Variants in BIRC6 observed in about 807,000 individuals in gnomAD.
BIRC6 encodes the protein dual E2 ubiquitin-conjugating enzyme/E3 ubiquitin-protein ligase BIRC6.
Under a neutral mutation model 503.3 loss-of-function variants are expected in BIRC6, and 98 were observed. The observed-to-expected ratio is 0.19, with a 90% CI of 0.17 to 0.23. BIRC6 has a LOEUF of 0.23. Among genes scored for constraint, BIRC6 ranks in the 10% least tolerant of loss-of-function variants. The probability of loss-of-function intolerance (pLI) is 1.00; values close to 1 mark genes in which losing one functional copy is unlikely to be tolerated. For synonymous variants in BIRC6, 2,240 were observed against 2,078.7 expected (o/e 1.08, Z -2.11); for missense variants, 5,360 against 5,806.0 (o/e 0.92, Z 2.50).
rs1408929056 is a variant in BIRC6 at position 32,612,843 on chromosome 2, C to A, written c.14394+1261C>A. ...TTTGAAAAAGAGAGAAAAACACTTGCAGAAAATTTCCCTAAGCTAGTTCTA... is the reference window on the plus strand; with the variant it reads ...TTTGAAAAAGAGAGAAAAACACTTGAAGAAAATTTCCCTAAGCTAGTTCTA... On this transcript the variant is annotated intron_variant, in intron 73 of 73. Coordinates refer to ENST00000421745, the MANE Select transcript of BIRC6 (RefSeq NM_016252.4). Among the ~76,000 whole-genome samples, 3 of 152,166 alleles carry A rather than the reference C, an allele frequency of 2.0e-5. No individual in the cohort carries two copies. The East Asian group carries it at 5.8e-4, about 29-fold the overall frequency.
intron 65 of BIRC6, 129 bp from the exon 66 acceptor site, chr2:32,575,027 C>A (rs1304153573): frequency 1.1e-5 from 10 of 935,008 alleles, no homozygotes; most frequent in African/African-American, 3.2e-5. Flanking sequence ...AGATTACAGG[C>A]CTGAACCAGC....
At chr2:32,358,032 T>C (rs1331721885) in intron 1 of BIRC6, among the ~76,000 whole-genome samples, 1 of 9,546 alleles carries the variant, frequency 1.0e-4, no homozygotes, top group Admixed American at 1.3e-3. Flanking sequence ...AGCGTGGGGG[T>C]GGGGGTGGGG....
At chr2:32,566,426 C>A in intron 65 of BIRC6, 1 of 152,312 alleles carries the variant, frequency 6.6e-6, no homozygotes, top group South Asian at 2.1e-4. Context: ...GATTATGGCT[C>A]ACTGCAGCCT....
intron 70 of BIRC6, among the ~76,000 whole-genome samples, chr2:32,601,913 T>G (rs2062086851): frequency 6.6e-6 from 1 of 152,216 alleles, no homozygotes; most frequent in Non-Finnish European, 1.5e-5. Flanking sequence ...AGGAGTATAT[T>G]GCAACTAGTT....
Position 32,393,841 on chromosome 2 carries a change from A to G in BIRC6, c.952-1670A>G, listed in dbSNP as rs184575604. Reference sequence around the variant, plus strand: ...TGGCCTAATTTAAGAATTCAAGTACATTTTGAAGTACGTTAAAGTAACTGT... The same window carrying G: ...TGGCCTAATTTAAGAATTCAAGTACGTTTTGAAGTACGTTAAAGTAACTGT... On this transcript the variant is annotated intron_variant, in intron 5 of 73. Transcript: ENST00000421745. 2.0e-3 allele frequency among the ~76,000 whole-genome samples: 297 copies of G among 152,206 alleles called. 3 individuals carry two copies. Among genetic ancestry groups the G allele is most frequent in the Middle Eastern group, 0.017 (5 of 294 alleles).
At chr2:32,375,364 A>AT (rs1201746121) in intron 1 of BIRC6, among the ~76,000 whole-genome samples, 1 of 152,122 alleles carries the variant, frequency 6.6e-6, no homozygotes. Flanking sequence ...TCTTTTACCA[A>AT]TAAGTATGTT....
intron 73 of BIRC6, among the ~76,000 whole-genome samples, chr2:32,617,055 G>A (rs1045294640): frequency 3.9e-5 from 6 of 152,080 alleles, no homozygotes; most frequent in African/African-American, 7.2e-5. Context: ...TGATTGTGCC[G>A]CTGCTCTCCA....
rs145875447 is a variant in BIRC6 at position 32,553,431 on chromosome 2, A to C, written c.13144+3950A>C. On this transcript the variant is annotated intron_variant, in intron 65 of 73. Coordinates refer to ENST00000421745, the MANE Select transcript of BIRC6 (RefSeq NM_016252.4). ...GAGACAGAGTCTCATTCTGTCGCCC[A>C]GGCTGGAGTGCAGTGATATGATCTT... 6.5e-3 allele frequency among the ~76,000 whole-genome samples: 993 copies of C among 151,788 alleles called. 13 individuals carry two copies. Among genetic ancestry groups the C allele is most frequent in the African/African-American group, 0.021 (878 of 41,390 alleles).
At position 32,453,895 on chromosome 2, in the gene BIRC6, C is replaced by T. The variant is rs1282658159; in HGVS notation, c.4706C>T (p.Thr1569Ile). The T allele has an allele frequency of 6.2e-7, 1 of 1,613,470 alleles. No individual in the cohort carries two copies. The highest frequency in any genetic ancestry group is 8.5e-7 in the Non-Finnish European group (1 of 1,179,466). ...GLLEVEPLHF[T>I]CVSTSDGTRI... is the part of the protein sequence containing the mutation. Reference sequence around the variant, plus strand: ...TTGGAAGTTGAACCTCTGCACTTTACTTGTGTGTCAACTAGTGATGGAACC... The same window carrying T: ...TTGGAAGTTGAACCTCTGCACTTTATTTGTGTGTCAACTAGTGATGGAACC... The change falls in exon 23 of 74, where the codon ACT (threonine) becomes ATT (isoleucine). Residue 1569 changes from threonine (T) to isoleucine (I), a missense_variant. Transcript: ENST00000421745.
At chr2:32,574,176 T>C (rs1175752121) in intron 65 of BIRC6, among the ~76,000 whole-genome samples, 1 of 151,442 alleles carries the variant, frequency 6.6e-6, no homozygotes, top group East Asian at 1.9e-4. Flanking sequence ...TTTTTTTTTT[T>C]TTTGAGGCGG....
chr2:32,434,729 G>C (rs1381091135), intron 13 of BIRC6, among the ~76,000 whole-genome samples: 1 of 151,836 alleles, frequency 6.6e-6, no homozygotes, highest in African/African-American at 2.4e-5. Context: ...GCACACCTGT[G>C]GTGCTACTCA....
rs576842385 is a variant in BIRC6, at chr2:32,421,088, GTTTC to G, written c.2872+4949_2872+4952del. 1.1e-3 allele frequency among the ~76,000 whole-genome samples: 154 copies of G among 143,528 alleles called. 1 individual carries two copies. Among genetic ancestry groups the G allele is most frequent in the East Asian group, 2.6e-3 (13 of 4,986 alleles). The allele number at this position is 143,528 out of a possible 152,430, so 94.2% of individuals were successfully genotyped here. Reference sequence around the variant, plus strand: ...TTTGGGTTTATTTTGCTCTTCTCTAGTTTCTTTCTTTCTTTCTTTCTTTCTTTTT... The same window carrying G: ...TTTGGGTTTATTTTGCTCTTCTCTAGTTTCTTTCTTTCTTTCTTTCTTTTT... On this transcript the variant is annotated intron_variant, in intron 10 of 73. Coordinates refer to ENST00000421745, the MANE Select transcript of BIRC6 (RefSeq NM_016252.4).
intron 66 of BIRC6, among the ~76,000 whole-genome samples, chr2:32,587,879 G>T (rs746805027): frequency 2.6e-5 from 4 of 152,064 alleles, no homozygotes; most frequent in African/African-American, 9.7e-5. Context: ...GGAGATTAAA[G>T]GGCAGCATAT....
Position 32,471,032 on chromosome 2 carries a change from T to C in BIRC6, c.6500T>C (p.Met2167Thr). 6.3e-7 allele frequency: 1 copy of C among 1,575,140 alleles called. No homozygotes were observed. Among genetic ancestry groups the C allele is most frequent in the Non-Finnish European group, 8.6e-7 (1 of 1,158,046 alleles). Reference protein sequence around the residue: ...RRTEGVLDIPMISWVVMLVSR... With the variant: ...RRTEGVLDIPTISWVVMLVSR... ...TCTCCAGGAGTACTAGATATTCCCATGATCAGTTGGGTTGTTATGCTGGTG... is the reference window on the plus strand; with the variant it reads ...TCTCCAGGAGTACTAGATATTCCCACGATCAGTTGGGTTGTTATGCTGGTG... Residue 2167 changes from methionine to threonine, a missense_variant, in exon 32 of 74, where the codon ATG becomes ACG. This residue lies in a region of BIRC6 where 2,299 missense variants were observed against 2,267.2 expected (regional missense o/e 1.01). Coordinates refer to ENST00000421745, the MANE Select transcript of BIRC6 (RefSeq NM_016252.4).
At position 32,479,570 on chromosome 2, in the gene BIRC6, T is replaced by G. The variant is rs1386007938; in HGVS notation, c.7361T>G (p.Val2454Gly). The change falls in exon 37 of 74, where the codon GTT becomes GGT. Residue 2454 changes from valine (V) to glycine (G), a missense_variant. Physicochemically the swap from Val to Gly is moderately radical, Grantham distance 109. Coordinates refer to ENST00000421745, the MANE Select transcript of BIRC6 (RefSeq NM_016252.4). Reference protein sequence around the residue: ...DSDDSLQQSSVQLLETIDEPL... With the variant: ...DSDDSLQQSSGQLLETIDEPL... ...GATGACTCCCTTCAACAGTCCTCAG[T>G]TCAGTTGCTGGAAACTATAGATGAA... is the stretch of plus-strand genomic sequence containing the variant. 1 of 1,609,676 alleles carries G rather than the reference T, an allele frequency of 6.2e-7. No homozygotes were observed. Among genetic ancestry groups the G allele is most frequent in the East Asian group, 2.2e-5 (1 of 44,802 alleles).
chr2:32,373,090 C>G (rs958713624), intron 1 of BIRC6, among the ~76,000 whole-genome samples: 2 of 152,298 alleles, frequency 1.3e-5, no homozygotes, highest in African/African-American at 4.8e-5. Flanking sequence ...TGTTCTGCAT[C>G]CTTGCCAGAA....
intron 45 of BIRC6, among the ~76,000 whole-genome samples, chr2:32,498,238 T>C (rs1230321292): frequency 6.6e-6 from 1 of 152,164 alleles, no homozygotes; most frequent in African/African-American, 2.4e-5. Flanking sequence ...GGCTAATTTT[T>C]GTATATTTTG....
At chr2:32,612,935 T>C (rs2062979765) in intron 73 of BIRC6, among the ~76,000 whole-genome samples, 1 of 152,224 alleles carries the variant, frequency 6.6e-6, no homozygotes, top group East Asian at 1.9e-4. Flanking sequence ...TTGACACTTC[T>C]TGCCTCCATT....
At chr2:32,391,983 A>C (rs1215309152) in intron 4 of BIRC6, 56 bp from the exon 5 acceptor site, 6 of 1,162,712 alleles carry the variant, frequency 5.2e-6, no homozygotes, top group African/African-American at 3.1e-5. Flanking sequence ...GTTAAATAGA[A>C]GTTTCACTGT....
Sources: gnomAD v4.1 joint callset for allele counts (sites outside exome capture counted in the v4.1 genomes callset) on GRCh38, gnomAD v4.1.1 for gene constraint, gnomAD v4.1.1 regional missense constraint, MANE v1.5 for transcripts, NCBI Gene and HGNC (gene_info 2026-07-23, HGNC 2026-07-21) for gene names.